NEBL: variants seen among roughly 807,000 people sequenced by gnomAD.
The protein encoded by NEBL is nebulette.
Under a neutral mutation model 140.2 loss-of-function variants are expected in NEBL, and 122 were observed. The ratio of observed to expected loss-of-function variants is 0.87; its 90% CI spans 0.75 to 1.01. The LOEUF is 1.01. NEBL is among the 50% of genes least tolerant of loss of function. The pLI, the probability that NEBL is intolerant of heterozygous loss-of-function variation, is 0.00. For synonymous variants in NEBL, 436 were observed against 398.9 expected, an observed-to-expected ratio of 1.09 and a Z score of -1.11; for missense variants, 1,365 against 1,231.3, an observed-to-expected ratio of 1.11 and a Z score of -1.62.
chr10:20,909,791 C>T lies in NEBL; in HGVS notation c.357+51881G>A, dbSNP rs531545520. On this transcript the variant is annotated intron_variant, in intron 4 of 6. Transcript: ENST00000417816. ...AACAATAATATATACAAAAGAAATA[C>T]AGAATTGTCAGAGGAAACAATTTAT... 4.5e-4 allele frequency among the ~76,000 whole-genome samples: 69 copies of T among 151,928 alleles called. 2 individuals carry two copies. The South Asian group carries it at 0.013, about 28-fold the overall frequency.
At chr10:21,154,549 GT>G (rs1278475190) in intron 2 of NEBL, among the ~76,000 whole-genome samples, 3 of 151,738 alleles carry the variant, frequency 2.0e-5, no homozygotes, top group Admixed American at 2.0e-4. Flanking sequence ...TAACACCTGT[GT>G]TTAGAAATTC....
intron 1 of NEBL, among the ~76,000 whole-genome samples, chr10:21,269,273 G>A (rs767202340): frequency 7.9e-5 from 12 of 152,190 alleles, no homozygotes; most frequent in Admixed American, 2.0e-4. Context: ...AGGGCTGGCC[G>A]AGGCAGCCTG....
At chr10:20,919,782 C>T (rs190206131) in intron 4 of NEBL, among the ~76,000 whole-genome samples, 19 of 152,088 alleles carry the variant, frequency 1.2e-4, no homozygotes, top group East Asian at 9.7e-4. Context: ...ACTCAAAATC[C>T]GGAACCTACA....
chr10:21,070,937 G>T (rs1303476040), intron 2 of NEBL, among the ~76,000 whole-genome samples: 1 of 152,080 alleles, frequency 6.6e-6, no homozygotes, highest in Non-Finnish European at 1.5e-5. Flanking sequence ...AACACTTTGG[G>T]AGACTGAGGT....
chr10:20,915,692 T>C (rs995032638), intron 4 of NEBL, among the ~76,000 whole-genome samples: 2 of 152,092 alleles, frequency 1.3e-5, no homozygotes, highest in African/African-American at 2.4e-5. Context: ...TCTTTGCTAC[T>C]GTGAATAGTG....
Position 20,856,513 on chromosome 10 carries a change from A to C in NEBL, c.903+1727T>G, listed in dbSNP as rs1181827811. On this transcript the variant is annotated intron_variant, in intron 9 of 27. Coordinates refer to ENST00000377122, the MANE Select transcript of NEBL (RefSeq NM_006393.3). The stretch of plus-strand genomic sequence containing the variant: ...CTGCCATGATGAAAACTGGATGCCA[A>C]AGAATGAATGTGAAGAAAGCAGGGG... Among the ~76,000 whole-genome samples the C allele has an allele frequency of 3.3e-5, 5 of 152,228 alleles. No homozygotes were observed. In the East Asian group the frequency reaches 9.6e-4, roughly 29 times the overall value.
intron 3 of NEBL, among the ~76,000 whole-genome samples, chr10:20,980,584 G>A (rs910324193): frequency 1.6e-4 from 24 of 152,226 alleles, no homozygotes; most frequent in African/African-American, 5.1e-4. Context: ...AGTAACCAGT[G>A]GCCTTACACT....
At chr10:21,228,682 T>G (rs1388313671) in intron 3 of NEBL, among the ~76,000 whole-genome samples, 3 of 152,210 alleles carry the variant, frequency 2.0e-5, no homozygotes, top group Non-Finnish European at 4.4e-5. Flanking sequence ...TCATCATACA[T>G]TTAACTTGAA....
At chr10:20,890,819 T>G (rs186366881) in intron 2 of NEBL, among the ~76,000 whole-genome samples, 195 of 152,328 alleles carry the variant, frequency 1.3e-3, no homozygotes, top group African/African-American at 4.3e-3. Context: ...AATCACACTG[T>G]CACACTAATT....
At chr10:20,806,330 A>G (rs778332474) in intron 26 of NEBL, among the ~76,000 whole-genome samples, 1 of 152,182 alleles carries the variant, frequency 6.6e-6, no homozygotes, top group Non-Finnish European at 1.5e-5. Flanking sequence ...GATGATTTCC[A>G]AACTGACCTC....
chr10:20,975,034 C>A (rs1164053494), intron 3 of NEBL, among the ~76,000 whole-genome samples: 1 of 152,040 alleles, frequency 6.6e-6, no homozygotes, highest in Admixed American at 6.6e-5. Context: ...TTATATTTGT[C>A]CTTTGCTGAC....
chr10:21,144,156 C>T (rs140241442), intron 2 of NEBL, among the ~76,000 whole-genome samples: 94 of 152,346 alleles, frequency 6.2e-4, no homozygotes, highest in African/African-American at 2.3e-3. Flanking sequence ...TGTCACTCTA[C>T]TCCTCCTTTG....
intron 2 of NEBL, among the ~76,000 whole-genome samples, chr10:21,139,683 A>G (rs1839521518): frequency 6.6e-6 from 1 of 152,202 alleles, no homozygotes; most frequent in South Asian, 2.1e-4. Context: ...ACCTATTAGC[A>G]TGGTAACCTC....
intron 4 of NEBL, among the ~76,000 whole-genome samples, chr10:20,951,459 A>G (rs1835459503): frequency 6.6e-6 from 1 of 150,884 alleles, no homozygotes; most frequent in Non-Finnish European, 1.5e-5. Flanking sequence ...TAAATTAGAG[A>G]GCATAGTTGC....
intron 2 of NEBL, among the ~76,000 whole-genome samples, chr10:21,170,937 A>G (rs1208780037): frequency 4.6e-5 from 7 of 152,188 alleles, no homozygotes. Flanking sequence ...CAAAAACTGT[A>G]GGGAGGATGA....
At chr10:20,793,287 T>C (rs2131648556) in intron 26 of NEBL, 4 of 889,684 alleles carry the variant, frequency 4.5e-6, no homozygotes, top group Non-Finnish European at 5.4e-6. Flanking sequence ...ACAAAATAAT[T>C]AAGCTCAAGC....
At chr10:21,172,389 C>T in exon 2 of NEBL, 1 of 1,611,768 alleles carries the variant, frequency 6.2e-7, no homozygotes, top group Non-Finnish European at 8.5e-7. Context: ...TTACGCATTA[C>T]AATAGGGCTT....
Position 20,897,255 on chromosome 10 carries a change from C to A in NEBL, c.-50G>T, listed in dbSNP as rs1426428551. 7 of 1,530,788 alleles carry A rather than the reference C, an allele frequency of 4.6e-6. No homozygotes were observed. In the Admixed American group the frequency reaches 1.4e-4, roughly 31 times the overall value. The allele number at this position is 1,530,788 out of a possible 1,614,324, so 94.8% of individuals were successfully genotyped here. On this transcript the variant is annotated 5_prime_UTR_variant, in exon 1 of 28. In the 5' UTR this introduces an upstream ATG that the reference lacks. Coordinates refer to ENST00000377122, the MANE Select transcript of NEBL (RefSeq NM_006393.3). Reference sequence around the variant, plus strand: ...TTTTAAAATTTACTCATGTGGCGTCCTTTTCCATACCACAGTGCCCTTGAG... The same window carrying A: ...TTTTAAAATTTACTCATGTGGCGTCATTTTCCATACCACAGTGCCCTTGAG...
chr10:21,189,086 C>G (rs1489790127), intron 3 of NEBL, among the ~76,000 whole-genome samples: 1 of 152,050 alleles, frequency 6.6e-6, no homozygotes, highest in African/African-American at 2.4e-5. Context: ...TGTCAATGTC[C>G]TAATCCCCAA....
Sources: allele counts gnomAD v4.1 joint callset (sites outside exome capture counted in the v4.1 genomes callset), GRCh38; gene constraint gnomAD v4.1.1; transcripts MANE v1.5; gene names NCBI Gene and HGNC (gene_info 2026-07-23, HGNC 2026-07-21).